The following TNRC6A variants were observed in gnomAD, a reference collection of about 807,000 sequenced individuals.
TNRC6A encodes the protein trinucleotide repeat containing adaptor 6A.
In TNRC6A, 44 loss-of-function variants were observed where a neutral mutation model predicts 221.2. That is an observed-to-expected ratio of 0.20 (90% CI 0.16 to 0.26). The LOEUF (loss-of-function observed/expected upper bound fraction) is 0.26, where lower values mean the gene tolerates loss of function less well. Ranked by LOEUF, TNRC6A falls within the 10% of genes least tolerant of loss-of-function variation. The pLI, the probability that TNRC6A is intolerant of heterozygous loss-of-function variation, is 1.00. For missense variants in TNRC6A, 2,199 were observed against 2,404.4 expected (o/e 0.91, Z 1.79); for synonymous variants, 847 against 838.5 (o/e 1.01, Z -0.18).
At chr16:24,736,636 A>C (rs1343133786) in intron 2 of TNRC6A, among the ~76,000 whole-genome samples, 2 of 152,178 alleles carry the variant, frequency 1.3e-5, no homozygotes, top group Non-Finnish European at 2.9e-5. Flanking sequence ...GATTAGGTTC[A>C]GGTTGACCCT....
At chr16:24,804,887 A>G (rs1222456042) in intron 13 of TNRC6A, 36 bp downstream of exon 13, 45 of 1,613,352 alleles carry the variant, frequency 2.8e-5, no homozygotes, top group Non-Finnish European at 3.6e-5. Flanking sequence ...TCTCAGTTGA[A>G]TGATTTGTAT....
intron 1 of TNRC6A, 67 bp from the exon 2 acceptor site, chr16:24,730,186 T>C (rs1270079637): frequency 6.9e-7 from 1 of 1,446,514 alleles, no homozygotes; most frequent in Non-Finnish European, 9.1e-7. Context: ...GCAGCTCCGT[T>C]TTCACGCGCA....
intron 4 of TNRC6A, among the ~76,000 whole-genome samples, chr16:24,771,836 C>T (rs1266165553): frequency 8.5e-5 from 13 of 152,106 alleles, no homozygotes; most frequent in Admixed American, 7.2e-4. Flanking sequence ...CTCTGTGAGC[C>T]TATTTTGGTA....
At chr16:24,714,523 T>A (rs2056275829) in intron 2 of TNRC6A, among the ~76,000 whole-genome samples, 2 of 151,932 alleles carry the variant, frequency 1.3e-5, no homozygotes, top group African/African-American at 4.8e-5. Context: ...GCCAGGATGG[T>A]CTCGATCTCC....
intron 2 of TNRC6A, among the ~76,000 whole-genome samples, chr16:24,711,784 G>T (rs2142312788): frequency 6.6e-6 from 1 of 151,680 alleles, no homozygotes; most frequent in South Asian, 2.1e-4. Context: ...CTTCATTTCT[G>T]TTTTCCTTTT....
In TNRC6A at chr16:24,781,612, T is replaced by A. The variant is rs1461256671; in HGVS notation, c.589+4254T>A. On this transcript the variant is annotated intron_variant, in intron 5 of 24. Coordinates refer to ENST00000395799, the MANE Select transcript of TNRC6A (RefSeq NM_014494.4). Reference sequence around the variant, plus strand: ...ATTTTAGGTCCTCTTCTGGAAGTCTTCAGCTGATGTTGGGCCCCTCAAAAC... The same window carrying A: ...ATTTTAGGTCCTCTTCTGGAAGTCTACAGCTGATGTTGGGCCCCTCAAAAC... Among the ~76,000 whole-genome samples the A allele has an allele frequency of 2.0e-5, 3 of 152,264 alleles. No individual in the cohort carries two copies. The East Asian group carries it at 5.8e-4, about 29-fold the overall frequency.
At chr16:24,663,654 A>G (rs915044680) in intron 2 of TNRC6A, 7 of 293,230 alleles carry the variant, frequency 2.4e-5, no homozygotes, top group African/African-American at 4.4e-5. Flanking sequence ...AGATAGTCAT[A>G]TGTGCAGTGC....
intron 2 of TNRC6A, among the ~76,000 whole-genome samples, chr16:24,740,871 C>T (rs2056876500): frequency 6.6e-6 from 1 of 152,192 alleles, no homozygotes; most frequent in African/African-American, 2.4e-5. Context: ...ATTCTAGATA[C>T]CTCATTAGTG....
At chr16:24,772,172 C>T (rs2057625656) in intron 4 of TNRC6A, among the ~76,000 whole-genome samples, 1 of 152,096 alleles carries the variant, frequency 6.6e-6, no homozygotes, top group African/African-American at 2.4e-5. Context: ...TTGGTAATCT[C>T]CACGTTTGAA....
chr16:24,669,638 A>G (rs1191872178), intron 2 of TNRC6A, among the ~76,000 whole-genome samples: 1 of 152,048 alleles, frequency 6.6e-6, no homozygotes, highest in Non-Finnish European at 1.5e-5. Flanking sequence ...AGCTCCTTAC[A>G]AAAGTGCTGG....
intron 2 of TNRC6A, among the ~76,000 whole-genome samples, chr16:24,642,776 T>C (rs1423746914): frequency 6.6e-6 from 1 of 151,988 alleles, no homozygotes; most frequent in African/African-American, 2.4e-5. Context: ...GCTGAGATAG[T>C]GCCACTGCAC....
chr16:24,730,144 C>T (rs1292878954), intron 1 of TNRC6A, 109 bp from the exon 2 acceptor site: 2 of 1,109,512 alleles, frequency 1.8e-6, no homozygotes, highest in South Asian at 1.6e-5. Flanking sequence ...TCTCCCCTCC[C>T]CCATCCGGCC....
At chr16:24,645,560 G>C (rs1438691239) in intron 2 of TNRC6A, among the ~76,000 whole-genome samples, 1 of 151,570 alleles carries the variant, frequency 6.6e-6, no homozygotes, top group Non-Finnish European at 1.5e-5. Flanking sequence ...CAATCCTCAT[G>C]TCAACTCAGT....
Position 24,824,769 on chromosome 16 carries a change from TA to T in TNRC6A, c.*979del, listed in dbSNP as rs35913858. 6.5e-3 allele frequency: 879 copies of T among 135,554 alleles called. 2 individuals are homozygous for T. The highest frequency in any genetic ancestry group is 0.022 in the Middle Eastern group (6 of 278). 8.4% of individuals were successfully genotyped at this position (135,554 alleles called of 1,614,324 possible). On this transcript the variant is annotated 3_prime_UTR_variant, in exon 25 of 25. Coordinates refer to ENST00000395799, the MANE Select transcript of TNRC6A (RefSeq NM_014494.4). ...TCTCAGGAAAACCAGTTCCCCAGTT[TA>T]AAAAAAAAAAAAAAAATTCCTTGTA...
intron 2 of TNRC6A, among the ~76,000 whole-genome samples, chr16:24,730,609 C>T (rs1286803016): frequency 2.0e-5 from 3 of 151,864 alleles, no homozygotes; most frequent in African/African-American, 7.3e-5. Context: ...TAAATGGTTG[C>T]AGGCATTGTG....
At chr16:24,671,521 C>G (rs1454171107) in intron 2 of TNRC6A, among the ~76,000 whole-genome samples, 8 of 152,220 alleles carry the variant, frequency 5.3e-5, no homozygotes, top group Non-Finnish European at 8.8e-5. Flanking sequence ...CTGCACTAGG[C>G]GCTGTGCAGG....
At chr16:24,815,050 G>T (rs2058627416) in intron 18 of TNRC6A, 97 bp from the exon 19 acceptor site, 1 of 1,382,662 alleles carries the variant, frequency 7.2e-7, no homozygotes, top group Non-Finnish European at 9.9e-7. Context: ...AGAGCCCACA[G>T]ATCTAATAGA....
Position 24,655,630 on chromosome 16 carries a change from G to A in TNRC6A, n.402+14621G>A, listed in dbSNP as rs528401157. On this transcript the variant is annotated intron_variant and non_coding_transcript_variant, in intron 2 of 2. Coordinates refer to the TNRC6A transcript ENST00000566108. ...CTTGAACCTGGGAGGCGGAGGTTGC[G>A]GTGAGCCAAGATCGTGCCACTGCAC... 3.3e-3 allele frequency among the ~76,000 whole-genome samples: 494 copies of A among 150,856 alleles called. 1 individual carries two copies. Among genetic ancestry groups the A allele is most frequent in the South Asian group, 0.01 (49 of 4,742 alleles).
intron 1 of TNRC6A, among the ~76,000 whole-genome samples, chr16:24,626,213 A>G (rs1900981432): frequency 6.6e-6 from 1 of 152,028 alleles, no homozygotes; most frequent in African/African-American, 2.4e-5. Flanking sequence ...AACCCTCTTC[A>G]GATTGCTCCA....
Sources: allele counts gnomAD v4.1 joint callset (sites outside exome capture counted in the v4.1 genomes callset), GRCh38; gene constraint gnomAD v4.1.1; transcripts MANE v1.5; gene names NCBI Gene and HGNC (gene_info 2026-07-23, HGNC 2026-07-21).